Variants in CSGALNACT1 observed in about 807,000 individuals in gnomAD.
CSGALNACT1 encodes the protein beta4GalNAcT-1.
Under a neutral mutation model 51.0 loss-of-function variants are expected in CSGALNACT1, and 52 were observed. That is an observed-to-expected ratio of 1.02 (90% CI 0.82 to 1.29). The LOEUF is 1.29. Ranked by LOEUF, CSGALNACT1 falls within the 50% of genes most tolerant of loss-of-function variation. The pLI, the probability that CSGALNACT1 is intolerant of heterozygous loss-of-function variation, is 0.00. For synonymous variants in CSGALNACT1, 341 were observed against 254.4 expected, an observed-to-expected ratio of 1.34 and a Z score of -3.24; for missense variants, 935 against 679.2, an observed-to-expected ratio of 1.38 and a Z score of -4.19.
intron 4 of CSGALNACT1, among the ~76,000 whole-genome samples, chr8:19,503,699 A>G (rs1407152209): frequency 6.6e-6 from 1 of 151,588 alleles, no homozygotes; most frequent in Non-Finnish European, 1.5e-5. Context: ...CTAATTTTGA[A>G]CTCTTACTGT....
chr8:19,682,916 A>C (rs2060734904), upstream of CSGALNACT1: 1 of 344,568 alleles, frequency 2.9e-6, no homozygotes. Context: ...CCATATATGA[A>C]ATCCCAATTA....
At chr8:19,585,207 A>G (rs1369512859) in intron 3 of CSGALNACT1, 1 of 152,218 alleles carries the variant, frequency 6.6e-6, no homozygotes, top group Admixed American at 6.5e-5. Context: ...GTCACTTCTG[A>G]GCACTGCTAA....
At chr8:19,752,227 A>T (rs957488236) in intron 1 of CSGALNACT1, among the ~76,000 whole-genome samples, 2 of 149,374 alleles carry the variant, frequency 1.3e-5, no homozygotes, top group African/African-American at 4.9e-5. Flanking sequence ...TAAAATATAT[A>T]CACACACATA....
chr8:19,709,860 C>T (rs1466253240), intron 1 of CSGALNACT1, among the ~76,000 whole-genome samples: 1 of 152,134 alleles, frequency 6.6e-6, no homozygotes. Flanking sequence ...GGACAGAGCT[C>T]TAGGGCACTC....
chr8:19,628,432 C>G (rs1348652999), intron 1 of CSGALNACT1, among the ~76,000 whole-genome samples: 1 of 152,190 alleles, frequency 6.6e-6, no homozygotes, highest in Admixed American at 6.5e-5. Context: ...TGACCTCCCA[C>G]CAGGTCCCTC....
At chr8:19,751,290 A>G (rs150001614) in intron 1 of CSGALNACT1, among the ~76,000 whole-genome samples, 93 of 152,258 alleles carry the variant, frequency 6.1e-4, no homozygotes, top group African/African-American at 2.1e-3. Context: ...CGCAGATGAT[A>G]AGAGTGCACA....
intron 3 of CSGALNACT1, among the ~76,000 whole-genome samples, chr8:19,555,314 A>AC (rs1229408784): frequency 6.6e-6 from 1 of 152,160 alleles, no homozygotes; most frequent in Non-Finnish European, 1.5e-5. Context: ...TCTAAGGGGG[A>AC]CCATCAATAT....
At chr8:19,677,090 C>T (rs1406813122) in intron 1 of CSGALNACT1, among the ~76,000 whole-genome samples, 3 of 148,756 alleles carry the variant, frequency 2.0e-5, no homozygotes, top group South Asian at 2.1e-4. Flanking sequence ...AGAAGCTAAA[C>T]AGAGGTGGCT....
chr8:19,537,633 A>C (rs1350328225), intron 3 of CSGALNACT1, among the ~76,000 whole-genome samples: 1 of 152,206 alleles, frequency 6.6e-6, no homozygotes, highest in East Asian at 1.9e-4. Context: ...CTTTATGCGA[A>C]ATAAAGCTCC....
intron 8 of CSGALNACT1, among the ~76,000 whole-genome samples, chr8:19,415,339 G>A (rs1468799979): frequency 6.6e-6 from 1 of 152,184 alleles, no homozygotes; most frequent in African/African-American, 2.4e-5. Flanking sequence ...CTTTTGGGAA[G>A]GGGGAGTCCT....
At chr8:19,442,530 C>A (rs537768166) in intron 5 of CSGALNACT1, among the ~76,000 whole-genome samples, 4 of 137,566 alleles carry the variant, frequency 2.9e-5, no homozygotes, top group Admixed American at 8.4e-5. Flanking sequence ...TGAGAACACA[C>A]GGACACAGGA....
intron 3 of CSGALNACT1, among the ~76,000 whole-genome samples, chr8:19,581,774 G>A (rs1477557416): frequency 2.0e-5 from 3 of 152,106 alleles, no homozygotes; most frequent in African/African-American, 4.8e-5. Context: ...GGGACCCAAG[G>A]CCCATAAAGC....
At chr8:19,548,334 C>G (rs1250923815) in intron 3 of CSGALNACT1, among the ~76,000 whole-genome samples, 1 of 152,174 alleles carries the variant, frequency 6.6e-6, no homozygotes, top group Non-Finnish European at 1.5e-5. Context: ...TAATAAAGCT[C>G]TGACAAATTC....
rs183286104 is a variant in CSGALNACT1, at chr8:19,556,486, T to C, written c.-297+34674A>G. On this transcript the variant is annotated intron_variant, in intron 3 of 9. Coordinates refer to ENST00000454498, the Ensembl canonical transcript of CSGALNACT1. ...AATAATGGATGACAATCAGTGATAA[T>C]GAAATCCAATGGATTTGGCTTTGGC... is the stretch of plus-strand genomic sequence containing the variant. Among the ~76,000 whole-genome samples the C allele has an allele frequency of 8.7e-4, 132 of 152,294 alleles. 1 individual carries two copies. Among genetic ancestry groups the C allele is most frequent in the Admixed American group, 3.6e-3 (55 of 15,306 alleles).
At chr8:19,445,694 ATAAC>A (rs2061998627) in intron 5 of CSGALNACT1, among the ~76,000 whole-genome samples, 1 of 152,356 alleles carries the variant, frequency 6.6e-6, no homozygotes, top group African/African-American at 2.4e-5. Context: ...TATCTGTAAT[ATAAC>A]TAACAAGTAC....
intron 3 of CSGALNACT1, among the ~76,000 whole-genome samples, chr8:19,576,066 C>T (rs575348067): frequency 2.0e-5 from 3 of 152,202 alleles, no homozygotes; most frequent in Middle Eastern, 3.4e-3. Flanking sequence ...GGAGTGGGTG[C>T]TGTCTGCTAG....
intron 5 of CSGALNACT1, among the ~76,000 whole-genome samples, chr8:19,451,733 T>C (rs1455871310): frequency 6.6e-6 from 1 of 152,220 alleles, no homozygotes; most frequent in Non-Finnish European, 1.5e-5. Flanking sequence ...AGAAGACATA[T>C]TTATTGTAAG....
chr8:19,654,273 C>G (rs2058073747), intron 1 of CSGALNACT1, among the ~76,000 whole-genome samples: 1 of 152,168 alleles, frequency 6.6e-6, no homozygotes, highest in Non-Finnish European at 1.5e-5. Context: ...AAGGTCATGT[C>G]CAGTTAGCAT....
At chr8:19,555,481 C>T (rs992507953) in intron 3 of CSGALNACT1, among the ~76,000 whole-genome samples, 11 of 152,262 alleles carry the variant, frequency 7.2e-5, no homozygotes, top group South Asian at 6.2e-4. Flanking sequence ...CGAGATTTCA[C>T]GTGCTTCCCA....
Sources: allele counts gnomAD v4.1 joint callset (sites outside exome capture counted in the v4.1 genomes callset), GRCh38; gene constraint gnomAD v4.1.1; transcripts MANE v1.5; gene names NCBI Gene and HGNC (gene_info 2026-07-23, HGNC 2026-07-21).